Variants in EYA4 observed in about 807,000 individuals in gnomAD.
EYA4 encodes EYA transcriptional coactivator and phosphatase 4, also known as protein phosphatase EYA4.
In EYA4, 31 loss-of-function variants were observed where a neutral mutation model predicts 87.9. The ratio of observed to expected loss-of-function variants is 0.35; its 90% CI spans 0.27 to 0.48. The LOEUF (loss-of-function observed/expected upper bound fraction) is 0.48, where lower values mean the gene tolerates loss of function less well. Among genes scored for constraint, EYA4 ranks in the 20% least tolerant of loss-of-function variants. The pLI is 0.99. For synonymous variants in EYA4, 263 were observed against 270.6 expected (o/e 0.97, Z 0.28); for missense variants, 678 against 761.4 (o/e 0.89, Z 1.29).
At chr6:133,297,677 C>T (rs551575982) in intron 2 of EYA4, among the ~76,000 whole-genome samples, 1 of 152,310 alleles carries the variant, frequency 6.6e-6, no homozygotes, top group Admixed American at 6.5e-5. Flanking sequence ...TGAGATATTC[C>T]TTACTTTCCT....
rs570146533 is a variant in EYA4, at chr6:133,398,607, T to C, written c.83+16166T>C. On this transcript the variant is annotated intron_variant, in intron 3 of 19. Transcript: ENST00000355286. ...ACTTCTAAGTGTGACATGTGTTTTT[T>C]ATTTCAAGGACTTCTACTAAAATTG... Among the ~76,000 whole-genome samples the C allele has an allele frequency of 7.9e-5, 12 of 152,330 alleles. No homozygotes were observed. In the South Asian group the frequency reaches 2.3e-3, roughly 29 times the overall value.
chr6:133,276,391 G>GT (rs1255779379), intron 2 of EYA4, among the ~76,000 whole-genome samples: 2 of 152,144 alleles, frequency 1.3e-5, no homozygotes, highest in African/African-American at 4.8e-5. Flanking sequence ...TATAGGGTGT[G>GT]TATATACTCA....
intron 2 of EYA4, among the ~76,000 whole-genome samples, chr6:133,331,823 G>A (rs1781984604): frequency 6.6e-6 from 1 of 152,270 alleles, no homozygotes; most frequent in South Asian, 2.1e-4. Flanking sequence ...AGTAATTTGG[G>A]GGTAAATTCC....
intron 2 of EYA4, among the ~76,000 whole-genome samples, chr6:133,344,324 A>G (rs966074983): frequency 6.6e-6 from 1 of 152,218 alleles, no homozygotes; most frequent in Admixed American, 6.5e-5. Flanking sequence ...GTGACAAGAG[A>G]TATCTATGCC....
chr6:133,278,209 C>T (rs1777334979), intron 2 of EYA4, among the ~76,000 whole-genome samples: 1 of 152,130 alleles, frequency 6.6e-6, no homozygotes, highest in Non-Finnish European at 1.5e-5. Flanking sequence ...GTCTCTTTCC[C>T]ACCACCAGGA....
chr6:133,402,052 G>A (rs908536067), intron 3 of EYA4, among the ~76,000 whole-genome samples: 1 of 152,154 alleles, frequency 6.6e-6, no homozygotes, highest in Non-Finnish European at 1.5e-5. Flanking sequence ...TCTACTGACT[G>A]TGGGAGGAAT....
chr6:133,374,614 A>G (rs1785532202), intron 2 of EYA4, among the ~76,000 whole-genome samples: 1 of 152,006 alleles, frequency 6.6e-6, no homozygotes, highest in African/African-American at 2.4e-5. Flanking sequence ...GTAGATGCAG[A>G]CTTCCAGGTA....
intron 11 of EYA4, among the ~76,000 whole-genome samples, chr6:133,469,622 G>A (rs147620042): frequency 4.4e-4 from 67 of 151,924 alleles, no homozygotes; most frequent in African/African-American, 1.4e-3. Context: ...TCAACAAATG[G>A]TGCTAGAACA....
chr6:133,438,069 GAAGT>G (rs1791876385), intron 3 of EYA4, among the ~76,000 whole-genome samples: 1 of 152,068 alleles, frequency 6.6e-6, no homozygotes, highest in African/African-American at 2.4e-5. Context: ...AAAAGAAAAT[GAAGT>G]GTCACAATTA....
intron 2 of EYA4, among the ~76,000 whole-genome samples, chr6:133,320,065 TTTG>T (rs1160463970): frequency 6.6e-6 from 1 of 152,012 alleles, no homozygotes; most frequent in African/African-American, 2.4e-5. Context: ...GAATAGGGAG[TTTG>T]TTATTTACAT....
intron 19 of EYA4, 84 bp from the exon 20 acceptor site, chr6:133,528,641 T>G: frequency 1.0e-6 from 1 of 988,400 alleles, no homozygotes; most frequent in Non-Finnish European, 1.6e-6. Flanking sequence ...TGCTGCTGCT[T>G]CATTGAGACA....
At chr6:133,312,543 A>G (rs778563730) in intron 2 of EYA4, among the ~76,000 whole-genome samples, 20 of 152,320 alleles carry the variant, frequency 1.3e-4, no homozygotes, top group Non-Finnish European at 2.5e-4. Flanking sequence ...ATGGAATTGT[A>G]AAAATACGTT....
At chr6:133,354,814 A>G (rs1172665251) in intron 2 of EYA4, among the ~76,000 whole-genome samples, 1 of 152,236 alleles carries the variant, frequency 6.6e-6, no homozygotes, top group Non-Finnish European at 1.5e-5. Flanking sequence ...ATTTCTGTTT[A>G]TGAAGGCATT....
intron 2 of EYA4, among the ~76,000 whole-genome samples, chr6:133,277,309 C>T (rs576419328): frequency 6.6e-6 from 1 of 152,282 alleles, no homozygotes; most frequent in Admixed American, 6.5e-5. Context: ...GGTCAAACAG[C>T]TGTTAAGTAG....
At chr6:133,413,978 C>T (rs211595) in intron 3 of EYA4, among the ~76,000 whole-genome samples, 57,855 of 152,002 alleles carry the variant, frequency 0.38, 14,087 homozygotes, top group Non-Finnish European at 0.54. Flanking sequence ...AATCACAATT[C>T]CCTAGAAAAA....
rs1554219392 is a variant in EYA4, at chr6:133,294,062, T to TAAAA, written c.33+19251_33+19252insAAAA. Among the ~76,000 whole-genome samples, 56 of 105,154 alleles carry TAAAA rather than the reference T, an allele frequency of 5.3e-4. 3 individuals carry two copies. The highest frequency in any genetic ancestry group is 3.6e-3 in the South Asian group (11 of 3,046). The allele number at this position is 105,154 out of a possible 152,430, so 69.0% of individuals were successfully genotyped here. On this transcript the variant is annotated intron_variant, in intron 2 of 19. Coordinates refer to ENST00000355286, the MANE Select transcript of EYA4 (RefSeq NM_004100.5). ...ATATATATATATATATATATATATA[T>TAAAA]AATTCTATTCTATATATAACATTCT...
Position 133,512,969 on chromosome 6 carries a change from A to G in EYA4, c.1432A>G (p.Met478Val). The G allele has an allele frequency of 6.2e-7, 1 of 1,614,124 alleles. No individual in the cohort carries two copies. Among genetic ancestry groups the G allele is most frequent in the Non-Finnish European group, 8.5e-7 (1 of 1,179,984 alleles). The change falls in exon 16 of 20, where the codon ATG (methionine) becomes GTG (valine). Residue 478 changes from methionine (M) to valine (V), a missense_variant. By Grantham distance (21) the Met-to-Val change is conservative. Coordinates refer to ENST00000355286, the MANE Select transcript of EYA4 (RefSeq NM_004100.5). ...PTGVRGGVDW[M>V]RKLAFRYRRV... is the part of the protein sequence containing the mutation. ...AGGTGTAAGAGGAGGGGTTGACTGGATGAGGAAGTTGGCTTTTCGTTACAG... is the reference window on the plus strand; with the variant it reads ...AGGTGTAAGAGGAGGGGTTGACTGGGTGAGGAAGTTGGCTTTTCGTTACAG...
At chr6:133,318,585 A>AC (rs149852736) in intron 2 of EYA4, among the ~76,000 whole-genome samples, 2,419 of 147,228 alleles carry the variant, frequency 0.016, 36 homozygotes, top group African/African-American at 0.031. Flanking sequence ...GCTACCCAGA[A>AC]CCCTCTTGGT....
chr6:133,263,426 T>C (rs930520931), intron 1 of EYA4, among the ~76,000 whole-genome samples: 4 of 152,204 alleles, frequency 2.6e-5, no homozygotes, highest in Non-Finnish European at 5.9e-5. Context: ...TTCTCTTCTG[T>C]CTTTCCCTAC....
Sources: gnomAD v4.1 joint callset for allele counts (sites outside exome capture counted in the v4.1 genomes callset) on GRCh38, gnomAD v4.1.1 for gene constraint, MANE v1.5 for transcripts, NCBI Gene and HGNC (gene_info 2026-07-23, HGNC 2026-07-21) for gene names.